The following LAX1 variants were observed in gnomAD, a reference collection of about 807,000 sequenced individuals.
LAX1 encodes lymphocyte transmembrane adapter 1.
LAX1 carries 17 observed loss-of-function variants against 20.7 expected under a neutral mutation model. That is an observed-to-expected ratio of 0.82 (90% CI 0.56 to 1.23). The LOEUF is 1.23. LAX1 is among the 50% of genes most tolerant of loss of function. The pLI, the probability that LAX1 is intolerant of heterozygous loss-of-function variation, is 0.00. For missense variants in LAX1, 470 were observed against 487.0 expected, an observed-to-expected ratio of 0.97 and a Z score of 0.33; for synonymous variants, 165 against 181.0, an observed-to-expected ratio of 0.91 and a Z score of 0.71.
rs533998308 is a variant in LAX1, at chr1:203,765,448, C to T, written c.-118C>T. On this transcript the variant is annotated 5_prime_UTR_variant, in exon 1 of 5. It adds an upstream start codon to the 5' untranslated region. Coordinates refer to ENST00000442561, the MANE Select transcript of LAX1 (RefSeq NM_017773.4). Reference sequence around the variant, plus strand: ...TGGCCTGACGTTTCAGAGGTAGACACGAGATAGGGAGTTTGTTGCGGGGGT... The same window carrying T: ...TGGCCTGACGTTTCAGAGGTAGACATGAGATAGGGAGTTTGTTGCGGGGGT... 16 of 1,557,146 alleles carry T rather than the reference C, an allele frequency of 1.0e-5. No individual in the cohort carries two copies. Among genetic ancestry groups the T allele is most frequent in the Admixed American group, 9.7e-5 (5 of 51,436 alleles).
chr1:203,772,554 A>G (rs1318614256), intron 4 of LAX1, among the ~76,000 whole-genome samples: 2 of 152,062 alleles, frequency 1.3e-5, no homozygotes, highest in Non-Finnish European at 2.9e-5. Context: ...CAGCCTCCCA[A>G]GTAGCTGGGA....
In LAX1 at chr1:203,774,049, G is replaced by C; in HGVS notation, c.565G>C (p.Asp189His). Residue 189 changes from aspartate to histidine, a missense_variant, in exon 5 of 5, where the codon GAT becomes CAT. Coordinates refer to ENST00000442561, the MANE Select transcript of LAX1 (RefSeq NM_017773.4). Reference protein sequence around the residue: ...SRDCASISSEDSHDYVNVPTA... With the variant: ...SRDCASISSEHSHDYVNVPTA... Reference sequence around the variant, plus strand: ...AGACTGCGCAAGCATTTCTTCAGAGGATTCGCATGATTATGTCAATGTCCC... The same window carrying C: ...AGACTGCGCAAGCATTTCTTCAGAGCATTCGCATGATTATGTCAATGTCCC... 3 of 1,614,088 alleles carry C rather than the reference G, an allele frequency of 1.9e-6. No individual in the cohort carries two copies. The highest frequency in any genetic ancestry group is 2.5e-6 in the Non-Finnish European group (3 of 1,180,006).
Position 203,774,520 on chromosome 1 carries a change from G to C in LAX1, c.1036G>C (p.Ala346Pro), listed in dbSNP as rs765389628. 1 of 1,614,100 alleles carries C rather than the reference G, an allele frequency of 6.2e-7. No homozygotes were observed. Among genetic ancestry groups the C allele is most frequent in the Non-Finnish European group, 8.5e-7 (1 of 1,180,040 alleles). ...KRTFLASGDY[A>P]DFQPFTQSED... Reference sequence around the variant, plus strand: ...GACATTCCTTGCTTCAGGGGATTATGCAGACTTTCAGCCATTCACACAGAG... The same window carrying C: ...GACATTCCTTGCTTCAGGGGATTATCCAGACTTTCAGCCATTCACACAGAG... Residue 346 changes from alanine to proline, a missense_variant, in exon 5 of 5, where the codon GCA becomes CCA. Ala to Pro is a conservative substitution (Grantham distance 27). Coordinates refer to ENST00000442561, the MANE Select transcript of LAX1 (RefSeq NM_017773.4).
Position 203,765,631 on chromosome 1 carries a change from T to C in LAX1, c.66T>C (p.His22=), listed in dbSNP as rs754799746. The C allele has an allele frequency of 1.9e-6, 3 of 1,614,166 alleles. No individual in the cohort carries two copies. The highest frequency in any genetic ancestry group is 2.5e-6 in the Non-Finnish European group (3 of 1,180,016). ...GGACCTTGGAGTCCAGCACTCTGCA[T>C]GTGACTCCCCGCAGCCTGGACAGGT... is the stretch of plus-strand genomic sequence containing the variant. ...RGRTLESSTL[H]VTPRSLDRNK... The change falls in exon 1 of 5, where the codon CAT becomes CAC. Residue 22 remains histidine, a synonymous_variant. Transcript: ENST00000442561.
In LAX1 at chr1:203,774,721, T is replaced by A; in HGVS notation, c.*40T>A. On this transcript the variant is annotated 3_prime_UTR_variant, in exon 5 of 5. Coordinates refer to ENST00000442561, the MANE Select transcript of LAX1 (RefSeq NM_017773.4). ...AGCCATAAAGCCACATTGAGTAGTC[T>A]ATCCCATAGGATTGACTACTGCAGA... The A allele has an allele frequency of 1.1e-5, 17 of 1,518,104 alleles. No homozygotes were observed. The highest frequency in any genetic ancestry group is 1.5e-5 in the Non-Finnish European group (17 of 1,102,236). 94.0% of individuals were successfully genotyped at this position (1,518,104 alleles called of 1,614,324 possible). A position where few individuals can be genotyped will look rare whatever the true frequency, so the allele number is the denominator to read the frequency against.
chr1:203,766,830 CTTTT>C (rs1329530145), intron 1 of LAX1, among the ~76,000 whole-genome samples: 2 of 151,868 alleles, frequency 1.3e-5, no homozygotes, highest in African/African-American at 4.8e-5. Context: ...GTCATCAACA[CTTTT>C]TTTGTTTTGT....
At chr1:203,771,926 C>G (rs1558071605) in intron 3 of LAX1, 142 bp from the exon 4 acceptor site, 2 of 688,360 alleles carry the variant, frequency 2.9e-6, no homozygotes, top group East Asian at 2.6e-5. Flanking sequence ...TAACTCTGAC[C>G]TCAGAACATG....
At chr1:203,767,304 T>C (rs1170690145) in intron 1 of LAX1, among the ~76,000 whole-genome samples, 1 of 82,792 alleles carries the variant, frequency 1.2e-5, no homozygotes, top group Non-Finnish European at 2.2e-5. Context: ...TCTCCACTTC[T>C]TTTTTTTTTT....
At chr1:203,770,196 T>C (rs957676005) in intron 1 of LAX1, among the ~76,000 whole-genome samples, 2 of 151,658 alleles carry the variant, frequency 1.3e-5, no homozygotes, top group African/African-American at 4.8e-5. Context: ...GGCGGGCAGA[T>C]GACAAGGTCA....
rs113693389 is a variant in LAX1, at chr1:203,767,486, T to G, written c.89+1832T>G. Among the ~76,000 whole-genome samples the G allele has an allele frequency of 5.4e-3, 821 of 151,008 alleles. 11 individuals carry two copies. The highest frequency in any genetic ancestry group is 0.018 in the African/African-American group (760 of 41,158). ...CCATGCCTGGCTAATTTTGTATTTTTAGTAGAGTTGGGGGTTTCTCCATGT... is the reference window on the plus strand; with the variant it reads ...CCATGCCTGGCTAATTTTGTATTTTGAGTAGAGTTGGGGGTTTCTCCATGT... On this transcript the variant is annotated intron_variant, in intron 1 of 4. Transcript: ENST00000442561.
At chr1:203,769,258 G>C (rs1206472250) in intron 1 of LAX1, among the ~76,000 whole-genome samples, 1 of 151,760 alleles carries the variant, frequency 6.6e-6, no homozygotes, top group African/African-American at 2.4e-5. Context: ...CGGGCGTGGT[G>C]GCGTGTGTCT....
intron 1 of LAX1, among the ~76,000 whole-genome samples, chr1:203,766,970 T>C (rs75752267): frequency 0.13 from 20,200 of 151,314 alleles, 2,464 homozygotes; most frequent in East Asian, 0.63. Context: ...ATTCTCCTGC[T>C]TCAGCCTCCT....
At chr1:203,767,852 G>A (rs755408073) in intron 1 of LAX1, among the ~76,000 whole-genome samples, 27 of 152,128 alleles carry the variant, frequency 1.8e-4, no homozygotes, top group Non-Finnish European at 3.2e-4. Context: ...AGAGCTGAGC[G>A]TGGTGGCTCA....
rs879166091 is a variant in LAX1 at position 203,775,501 on chromosome 1, G to A, written c.*820G>A. On this transcript the variant is annotated 3_prime_UTR_variant, in exon 5 of 5. Coordinates refer to ENST00000442561, the MANE Select transcript of LAX1 (RefSeq NM_017773.4). ...GATGGGATTGCAAAGCGTCAGGGCA[G>A]CTTTGAAAAACTTTTCAGCAGTTTC... The A allele has an allele frequency of 1.3e-5, 2 of 152,172 alleles. No individual in the cohort carries two copies. Among genetic ancestry groups the A allele is most frequent in the South Asian group, 4.1e-4 (2 of 4,828 alleles). The allele number at this position is 152,172 out of a possible 1,614,324, so 9.4% of individuals were successfully genotyped here.
chr1:203,773,795 C>T (rs1667460774), intron 4 of LAX1, 80 bp from the exon 5 acceptor site: 1 of 217,178 alleles, frequency 4.6e-6, no homozygotes. Flanking sequence ...CAGAATATGC[C>T]AGTGGTATTT....
intron 2 of LAX1, 59 bp from the exon 3 acceptor site, chr1:203,771,308 C>A: frequency 9.6e-7 from 1 of 1,045,976 alleles, no homozygotes; most frequent in Non-Finnish European, 1.5e-6. Context: ...TCCCATGAGT[C>A]TCTTCACTCT....
chr1:203,773,833 T>C, intron 4 of LAX1, 42 bp from the exon 5 acceptor site: 1 of 1,272,098 alleles, frequency 7.9e-7, no homozygotes, highest in Non-Finnish European at 1.1e-6. Context: ...TGTCCATATT[T>C]CTGCTTGCAT....
At chr1:203,770,982 A>C (rs1426806102) in intron 2 of LAX1, 45 bp downstream of exon 2, 1 of 1,441,976 alleles carries the variant, frequency 6.9e-7, no homozygotes, top group Non-Finnish European at 9.8e-7. Flanking sequence ...TAGGATTATT[A>C]ATCTAGGCTG....
intron 4 of LAX1, 88 bp downstream of exon 4, chr1:203,772,235 G>A: frequency 9.6e-7 from 1 of 1,043,088 alleles, no homozygotes; most frequent in Non-Finnish European, 1.5e-6. Flanking sequence ...TGGTTTCACT[G>A]CAAACAAACA....
Sources: allele counts gnomAD v4.1 joint callset (sites outside exome capture counted in the v4.1 genomes callset), GRCh38; gene constraint gnomAD v4.1.1; transcripts MANE v1.5; gene names NCBI Gene and HGNC (gene_info 2026-07-23, HGNC 2026-07-21).